Variants in MACROD2 observed in about 807,000 individuals in gnomAD.
MACROD2 encodes the protein ADP-ribose glycohydrolase MACROD2.
In MACROD2, 36 loss-of-function variants were observed where a neutral mutation model predicts 70.4. The ratio of observed to expected loss-of-function variants is 0.51; its 90% CI spans 0.39 to 0.68. MACROD2 has a LOEUF of 0.68. Ranked by LOEUF, MACROD2 falls within the 30% of genes least tolerant of loss-of-function variation. The pLI is 0.00. For synonymous variants in MACROD2, 172 were observed against 178.8 expected, an observed-to-expected ratio of 0.96 and a Z score of 0.30; for missense variants, 496 against 538.4, an observed-to-expected ratio of 0.92 and a Z score of 0.78.
chr20:14,363,200 TATC>T (rs1273226668), intron 3 of MACROD2, among the ~76,000 whole-genome samples: 1 of 152,176 alleles, frequency 6.6e-6, no homozygotes, highest in Non-Finnish European at 1.5e-5. Flanking sequence ...CTCCTTTTAT[TATC>T]TGTAAATATA....
chr20:15,017,879 T>G (rs1306452790), intron 5 of MACROD2, among the ~76,000 whole-genome samples: 5 of 152,206 alleles, frequency 3.3e-5, no homozygotes, highest in Non-Finnish European at 7.3e-5. Context: ...GCACACAGCA[T>G]GGGGACCCTG....
intron 5 of MACROD2, among the ~76,000 whole-genome samples, chr20:15,064,136 T>C (rs760329607): frequency 4.6e-5 from 7 of 152,064 alleles, no homozygotes; most frequent in East Asian, 1.9e-4. Context: ...GGTGGGTGTA[T>C]ACATCAAAGC....
chr20:15,569,660 C>T (rs548799405), intron 8 of MACROD2, among the ~76,000 whole-genome samples: 9 of 152,190 alleles, frequency 5.9e-5, no homozygotes, highest in African/African-American at 2.2e-4. Flanking sequence ...TTTTCTGTGC[C>T]TGGCTTATTT....
intron 5 of MACROD2, among the ~76,000 whole-genome samples, chr20:15,109,904 C>T (rs866509520): frequency 6.6e-6 from 1 of 151,012 alleles, no homozygotes; most frequent in African/African-American, 2.4e-5. Context: ...CTCTGGGAGC[C>T]GTTTTGTATT....
At chr20:15,381,686 A>T (rs985423166) in intron 6 of MACROD2, among the ~76,000 whole-genome samples, 14 of 152,098 alleles carry the variant, frequency 9.2e-5, no homozygotes, top group African/African-American at 3.4e-4. Context: ...AAAACAAAAA[A>T]TCTAAAAGGT....
intron 5 of MACROD2, among the ~76,000 whole-genome samples, chr20:14,847,515 C>T (rs1406494035): frequency 1.5e-5 from 2 of 133,218 alleles, no homozygotes; most frequent in Non-Finnish European, 3.1e-5. Context: ...TGATGTTCAG[C>T]AGAGCAGTAC....
At chr20:15,487,567 C>A (rs558195892) in intron 7 of MACROD2, among the ~76,000 whole-genome samples, 1 of 152,270 alleles carries the variant, frequency 6.6e-6, no homozygotes, top group Non-Finnish European at 1.5e-5. Context: ...CCTATCTAAA[C>A]CATAGAATAG....
chr20:15,565,489 A>G (rs527277105), intron 8 of MACROD2, among the ~76,000 whole-genome samples: 10 of 152,338 alleles, frequency 6.6e-5, no homozygotes, highest in African/African-American at 2.2e-4. Context: ...ATTTTAGCAT[A>G]TTAAATAAAA....
intron 8 of MACROD2, among the ~76,000 whole-genome samples, chr20:15,827,635 G>A (rs192259861): frequency 1.2e-3 from 178 of 152,270 alleles, no homozygotes; most frequent in Middle Eastern, 6.8e-3. Context: ...TATAGGGATG[G>A]GGTTGAGGGG....
intron 5 of MACROD2, among the ~76,000 whole-genome samples, chr20:14,716,322 T>C (rs2071396576): frequency 1.3e-5 from 2 of 152,240 alleles, no homozygotes; most frequent in Non-Finnish European, 1.5e-5. Context: ...TCCTATAGTT[T>C]GCTGGCAAAA....
intron 5 of MACROD2, among the ~76,000 whole-genome samples, chr20:15,092,002 TTG>T (rs76481955): frequency 0.12 from 18,218 of 152,136 alleles, 1,208 homozygotes; most frequent in Middle Eastern, 0.18. Flanking sequence ...GAAAATAAGA[TTG>T]TATTTCTGGT....
At chr20:14,562,141 G>T (rs977939898) in intron 4 of MACROD2, among the ~76,000 whole-genome samples, 2 of 151,776 alleles carry the variant, frequency 1.3e-5, no homozygotes, top group African/African-American at 2.4e-5. Flanking sequence ...GCAGAAAAAA[G>T]ACTTTTTTAA....
At chr20:14,857,341 C>T (rs1225563548) in intron 5 of MACROD2, among the ~76,000 whole-genome samples, 1 of 152,210 alleles carries the variant, frequency 6.6e-6, no homozygotes, top group African/African-American at 2.4e-5. Flanking sequence ...GGCCCCTTAT[C>T]ATCTGACAGA....
At chr20:14,775,750 C>T (rs76301632) in intron 5 of MACROD2, among the ~76,000 whole-genome samples, 5,126 of 151,998 alleles carry the variant, frequency 0.034, 129 homozygotes, top group Non-Finnish European at 0.049. Flanking sequence ...ACATAGAAAC[C>T]ATATTCTTCC....
chr20:14,038,249 G>C (rs1035997208), intron 2 of MACROD2, among the ~76,000 whole-genome samples: 3 of 151,520 alleles, frequency 2.0e-5, no homozygotes, highest in Non-Finnish European at 2.9e-5. Flanking sequence ...AGCCGAGATC[G>C]TGCCACTGCA....
At chr20:14,128,704 C>G (rs2054682148) in intron 3 of MACROD2, among the ~76,000 whole-genome samples, 1 of 152,154 alleles carries the variant, frequency 6.6e-6, no homozygotes, top group South Asian at 2.1e-4. Context: ...GACAGGGTGA[C>G]ACTCTTGGTA....
At chr20:14,846,203 A>C (rs1040143298) in intron 5 of MACROD2, among the ~76,000 whole-genome samples, 2 of 152,120 alleles carry the variant, frequency 1.3e-5, no homozygotes, top group South Asian at 4.1e-4. Context: ...TTTAAGAAAA[A>C]ATTGCATTAA....
chr20:15,676,233 T>A (rs967577487), intron 8 of MACROD2, among the ~76,000 whole-genome samples: 4 of 152,202 alleles, frequency 2.6e-5, no homozygotes, highest in Non-Finnish European at 4.4e-5. Context: ...TGTAAAAATA[T>A]GACACCACGA....
At chr20:14,122,955 G>A (rs565840677) in intron 3 of MACROD2, among the ~76,000 whole-genome samples, 1 of 152,240 alleles carries the variant, frequency 6.6e-6, no homozygotes, top group East Asian at 1.9e-4. Flanking sequence ...CTTCCACACT[G>A]TAGTTTAACT....
Sources: gnomAD v4.1 joint callset for allele counts (sites outside exome capture counted in the v4.1 genomes callset) on GRCh38, gnomAD v4.1.1 for gene constraint, MANE v1.5 for transcripts, NCBI Gene and HGNC (gene_info 2026-07-23, HGNC 2026-07-21) for gene names.